Variants in FAM193A observed in about 807,000 individuals in gnomAD.
The protein encoded by FAM193A is family with sequence similarity 193 member A, also known as protein FAM193A.
FAM193A carries 22 observed loss-of-function variants against 126.5 expected under a neutral mutation model. The observed-to-expected ratio is 0.17, with a 90% CI of 0.12 to 0.25. FAM193A has a LOEUF of 0.25. Among genes scored for constraint, FAM193A ranks in the 10% least tolerant of loss-of-function variants. The pLI is 1.00. For synonymous variants in FAM193A, 761 were observed against 646.8 expected, an observed-to-expected ratio of 1.18 and a Z score of -2.68; for missense variants, 1,675 against 1,672.8, an observed-to-expected ratio of 1.00 and a Z score of -0.02.
chr4:2,685,274 A>G (rs2109237252), intron 13 of FAM193A, among the ~76,000 whole-genome samples: 1 of 152,320 alleles, frequency 6.6e-6, no homozygotes, highest in South Asian at 2.1e-4. Context: ...TTCGAGGGCC[A>G]GGGTGTATCT....
intron 1 of FAM193A, among the ~76,000 whole-genome samples, chr4:2,556,392 G>A (rs1183746953): frequency 6.6e-6 from 1 of 151,654 alleles, no homozygotes; most frequent in African/African-American, 2.4e-5. Context: ...TTTTAGTAGA[G>A]ATGGGGTTTC....
At chr4:2,574,605 C>A (rs951855514) in intron 1 of FAM193A, among the ~76,000 whole-genome samples, 1 of 152,020 alleles carries the variant, frequency 6.6e-6, no homozygotes, top group Non-Finnish European at 1.5e-5. Flanking sequence ...GAGAAGGGAG[C>A]CCTGAGGATC....
intron 2 of FAM193A, among the ~76,000 whole-genome samples, chr4:2,624,793 C>T (rs548381312): frequency 7.2e-4 from 110 of 152,344 alleles, no homozygotes; most frequent in Non-Finnish European, 1.1e-3. Flanking sequence ...CCTCCCATCT[C>T]GGCTTCCCAA....
At chr4:2,697,870 G>A (rs1717217164) in intron 18 of FAM193A, among the ~76,000 whole-genome samples, 2 of 152,168 alleles carry the variant, frequency 1.3e-5, no homozygotes, top group African/African-American at 4.8e-5. Flanking sequence ...ATGGTCCAAG[G>A]CCCTGAGACG....
At chr4:2,683,460 A>G (rs562857055) in intron 13 of FAM193A, among the ~76,000 whole-genome samples, 15 of 152,052 alleles carry the variant, frequency 9.9e-5, no homozygotes, top group Non-Finnish European at 1.6e-4. Flanking sequence ...ATGCCCGGCT[A>G]ATTTTTGTAT....
chr4:2,707,781 C>T (rs558448370), intron 19 of FAM193A, among the ~76,000 whole-genome samples: 9 of 147,660 alleles, frequency 6.1e-5, no homozygotes, highest in Non-Finnish European at 1.0e-4. Flanking sequence ...GGCGCAATCT[C>T]GGCTCACTGC....
At chr4:2,710,785 A>T (rs1490053510) in intron 19 of FAM193A, among the ~76,000 whole-genome samples, 1 of 150,770 alleles carries the variant, frequency 6.6e-6, no homozygotes, top group Non-Finnish European at 1.5e-5. Flanking sequence ...GATTACAGGC[A>T]TGAACCACCG....
intron 1 of FAM193A, among the ~76,000 whole-genome samples, chr4:2,564,246 AT>A (rs989079127): frequency 2.7e-5 from 4 of 149,794 alleles, no homozygotes; most frequent in Admixed American, 1.3e-4. Flanking sequence ...AACCTGGCTA[AT>A]TTTTTTTTTA....
chr4:2,646,840 C>T lies in FAM193A; in HGVS notation c.1311+8C>T, dbSNP rs1282873942. On this transcript the variant is annotated splice_region_variant and intron_variant, in intron 7 of 20. Coordinates refer to ENST00000637812, the MANE Select transcript of FAM193A (RefSeq NM_001366318.2). ...GCCTATGTCGACGAGCAGGTGAGTG[C>T]CACCCGGGACCACCGCACCCCGCGC... is the stretch of plus-strand genomic sequence containing the variant. The T allele has an allele frequency of 1.1e-5, 18 of 1,606,152 alleles. No individual in the cohort carries two copies. Among genetic ancestry groups the T allele is most frequent in the Non-Finnish European group, 1.4e-5 (17 of 1,176,574 alleles).
intron 2 of FAM193A, among the ~76,000 whole-genome samples, chr4:2,619,522 A>G (rs1742413062): frequency 6.6e-6 from 1 of 151,866 alleles, no homozygotes; most frequent in Admixed American, 6.6e-5. Flanking sequence ...TATTTTTAGT[A>G]GAGGTGGGGT....
chr4:2,680,189 A>T (rs1003458399), intron 13 of FAM193A, among the ~76,000 whole-genome samples: 2 of 151,980 alleles, frequency 1.3e-5, no homozygotes, highest in Non-Finnish European at 2.9e-5. Flanking sequence ...TACCAGTTCA[A>T]TCTCCTTACT....
At chr4:2,651,822 C>T (rs1298023178) in intron 7 of FAM193A, among the ~76,000 whole-genome samples, 1 of 152,194 alleles carries the variant, frequency 6.6e-6, no homozygotes, top group East Asian at 1.9e-4. Context: ...GGTTGCTGGC[C>T]TGAGTCGTCA....
chr4:2,555,679 G>A (rs768266978), intron 1 of FAM193A, among the ~76,000 whole-genome samples: 72 of 152,006 alleles, frequency 4.7e-4, no homozygotes, highest in Non-Finnish European at 8.4e-4. Context: ...GTGCAGTGGC[G>A]CAATCTCGGC....
intron 2 of FAM193A, among the ~76,000 whole-genome samples, chr4:2,604,950 A>G (rs929237317): frequency 6.7e-6 from 1 of 150,276 alleles, no homozygotes; most frequent in Non-Finnish European, 1.5e-5. Flanking sequence ...GCTGCACGCC[A>G]ACAGTCCTGG....
chr4:2,699,623 T>G (rs1483845343), intron 18 of FAM193A, 57 bp from the exon 19 acceptor site: 1 of 1,505,866 alleles, frequency 6.6e-7, no homozygotes. Flanking sequence ...TTTTTCTGTA[T>G]GACTTAATTT....
At chr4:2,539,803 A>G (rs535883418) in intron 1 of FAM193A, among the ~76,000 whole-genome samples, 163 of 152,322 alleles carry the variant, frequency 1.1e-3, no homozygotes, top group Non-Finnish European at 2.1e-3. Context: ...CAAAAATTTC[A>G]CAAAACATTT....
intron 1 of FAM193A, among the ~76,000 whole-genome samples, chr4:2,584,058 C>G (rs1037189554): frequency 2.0e-5 from 3 of 152,046 alleles, no homozygotes; most frequent in Admixed American, 2.0e-4. Flanking sequence ...AAACCTTCTT[C>G]TTTGTTTTCT....
intron 2 of FAM193A, among the ~76,000 whole-genome samples, chr4:2,620,918 A>ATGG (rs1284915852): frequency 6.6e-6 from 1 of 151,764 alleles, no homozygotes; most frequent in African/African-American, 2.4e-5. Context: ...GCTAAAGAAT[A>ATGG]TGGCCGGGGC....
chr4:2,666,628 C>A (rs1484029113), intron 12 of FAM193A, among the ~76,000 whole-genome samples: 1 of 152,094 alleles, frequency 6.6e-6, no homozygotes, highest in African/African-American at 2.4e-5. Flanking sequence ...CAGCAAAATC[C>A]TGTAGGCCTG....
Sources: gnomAD v4.1 joint callset for allele counts (sites outside exome capture counted in the v4.1 genomes callset) on GRCh38, gnomAD v4.1.1 for gene constraint, MANE v1.5 for transcripts, NCBI Gene and HGNC (gene_info 2026-07-23, HGNC 2026-07-21) for gene names.